Variants in CUX1 observed in about 807,000 individuals in gnomAD.
The protein encoded by CUX1 is protein CASP.
A neutral mutation model predicts 158.8 loss-of-function variants in CUX1; 31 were observed. That is an observed-to-expected ratio of 0.20 (90% confidence interval 0.15 to 0.26). CUX1 has a LOEUF of 0.26. Among genes scored for constraint, CUX1 ranks in the 10% least tolerant of loss-of-function variants. The pLI is 1.00. For synonymous variants in CUX1, 879 were observed against 862.1 expected (o/e 1.02, Z -0.34); for missense variants, 1,589 against 2,014.6 (o/e 0.79, Z 4.04).
chr7:102,162,298 C>T (rs1360995100), intron 9 of CUX1, among the ~76,000 whole-genome samples: 1 of 152,062 alleles, frequency 6.6e-6, no homozygotes, highest in Non-Finnish European at 1.5e-5. Flanking sequence ...GCTTCTGAGA[C>T]AGTCTTGCTC....
intron 11 of CUX1, among the ~76,000 whole-genome samples, chr7:102,185,986 C>G (rs1224781474): frequency 1.3e-5 from 2 of 152,146 alleles, no homozygotes; most frequent in African/African-American, 2.4e-5. Context: ...TCTAGCATAC[C>G]ACGCGGCCAG....
intron 21 of CUX1, among the ~76,000 whole-genome samples, chr7:102,229,611 C>CTTTTTTTTTT (rs781991747): frequency 1.4e-5 from 1 of 70,020 alleles, no homozygotes; most frequent in Admixed American, 1.8e-4. Flanking sequence ...CGTGTCTGGC[C>CTTTTTTTTTT]TTTTTTTTTT....
intron 20 of CUX1, among the ~76,000 whole-genome samples, chr7:102,219,055 A>AACACACACACAC (rs3138788): frequency 0.06 from 7,629 of 126,242 alleles, 295 homozygotes; most frequent in East Asian, 0.15. Context: ...CCTGCCTCAA[A>AACACACACACAC]ACACACACAC....
At chr7:101,841,189 G>A (rs1346544211) in intron 1 of CUX1, among the ~76,000 whole-genome samples, 6 of 152,050 alleles carry the variant, frequency 3.9e-5, no homozygotes, top group East Asian at 3.9e-4. Context: ...CACCACGCCC[G>A]GCAGGTTTTC....
At chr7:101,879,565 C>T (rs1481231239) in intron 1 of CUX1, among the ~76,000 whole-genome samples, 1 of 152,070 alleles carries the variant, frequency 6.6e-6, no homozygotes, top group Non-Finnish European at 1.5e-5. Context: ...CAGTTGTCTT[C>T]GGCCTTCTGG....
At chr7:101,860,409 G>A (rs547842350) in intron 1 of CUX1, among the ~76,000 whole-genome samples, 169 of 152,072 alleles carry the variant, frequency 1.1e-3, no homozygotes, top group African/African-American at 3.8e-3. Flanking sequence ...ATGTCACTTC[G>A]AAAAAAATAC....
At chr7:101,933,759 G>A (rs1039422029) in intron 2 of CUX1, among the ~76,000 whole-genome samples, 2 of 152,054 alleles carry the variant, frequency 1.3e-5, no homozygotes, top group African/African-American at 2.4e-5. Flanking sequence ...AAATAGCAGT[G>A]TTCTTGGTTT....
intron 1 of CUX1, among the ~76,000 whole-genome samples, chr7:101,821,552 A>G (rs571038654): frequency 2.7e-5 from 4 of 148,196 alleles, no homozygotes; most frequent in Admixed American, 6.7e-5. Context: ...GTTAGCCCGG[A>G]TGGTCTCGAT....
At chr7:101,820,715 C>G (rs1047235619) in intron 1 of CUX1, among the ~76,000 whole-genome samples, 2 of 152,092 alleles carry the variant, frequency 1.3e-5, no homozygotes, top group African/African-American at 2.4e-5. Context: ...TAAACCAGAC[C>G]CTTAATCTTA....
At chr7:102,111,184 T>C (rs1189319973) in intron 6 of CUX1, among the ~76,000 whole-genome samples, 2 of 151,982 alleles carry the variant, frequency 1.3e-5, no homozygotes, top group Non-Finnish European at 2.9e-5. Flanking sequence ...GAAATCTGAA[T>C]CTGTGGAATG....
At chr7:102,099,102 G>A (rs1348625589) in intron 5 of CUX1, among the ~76,000 whole-genome samples, 2 of 152,140 alleles carry the variant, frequency 1.3e-5, no homozygotes, top group Non-Finnish European at 2.9e-5. Context: ...GGGCTGTGAG[G>A]GCGGCGGTGC....
At chr7:102,002,796 G>A (rs755095568) in intron 2 of CUX1, among the ~76,000 whole-genome samples, 2 of 152,166 alleles carry the variant, frequency 1.3e-5, no homozygotes, top group Non-Finnish European at 2.9e-5. Context: ...CCCTAGCACC[G>A]TATCTGTGTG....
chr7:102,222,415 C>T (rs1797897120), intron 20 of CUX1, among the ~76,000 whole-genome samples: 1 of 152,146 alleles, frequency 6.6e-6, no homozygotes, highest in African/African-American at 2.4e-5. Flanking sequence ...ATCTGTGTGA[C>T]TTTAACCAAG....
intron 1 of CUX1, among the ~76,000 whole-genome samples, chr7:101,835,212 C>T (rs373861208): frequency 1.3e-5 from 2 of 152,144 alleles, no homozygotes; most frequent in East Asian, 3.8e-4. Flanking sequence ...TGCATCTATT[C>T]TCTGCCTCCA....
At chr7:102,101,657 C>G (rs1255974110) in intron 5 of CUX1, among the ~76,000 whole-genome samples, 3 of 152,174 alleles carry the variant, frequency 2.0e-5, no homozygotes, top group Non-Finnish European at 2.9e-5. Context: ...TGCCTGTAAT[C>G]CCAGCACTTT....
chr7:101,983,068 C>T (rs1813680472), intron 2 of CUX1, among the ~76,000 whole-genome samples: 1 of 151,988 alleles, frequency 6.6e-6, no homozygotes, highest in Non-Finnish European at 1.5e-5. Flanking sequence ...TGACGGCCCA[C>T]CTCAACAGGA....
intron 2 of CUX1, among the ~76,000 whole-genome samples, chr7:101,930,753 G>T (rs1806194720): frequency 6.6e-6 from 1 of 152,148 alleles, no homozygotes; most frequent in South Asian, 2.1e-4. Flanking sequence ...GCCACTTAAT[G>T]AATGCAAGAT....
chr7:102,282,935 C>A, intron 22 of CUX1: 1 of 966,364 alleles, frequency 1.0e-6, no homozygotes, highest in Non-Finnish European at 1.6e-6. Flanking sequence ...TATCCACTAC[C>A]CCCTAGCCCC....
At chr7:101,921,440 T>TTTATTTA (rs57287691) in intron 2 of CUX1, among the ~76,000 whole-genome samples, 17,300 of 149,912 alleles carry the variant, frequency 0.12, 1,143 homozygotes, top group Non-Finnish European at 0.15. Flanking sequence ...TTTTATTTTA[T>TTTATTTA]TTTATTTATT....
Sources: allele counts gnomAD v4.1 joint callset (sites outside exome capture counted in the v4.1 genomes callset), GRCh38; gene constraint gnomAD v4.1.1; transcripts MANE v1.5; gene names NCBI Gene and HGNC (gene_info 2026-07-23, HGNC 2026-07-21).